The following HPSE2 variants were observed in gnomAD, a reference collection of about 807,000 sequenced individuals.
The protein encoded by HPSE2 is inactive heparanase-2.
A neutral mutation model predicts 60.5 loss-of-function variants in HPSE2; 38 were observed. The ratio of observed to expected loss-of-function variants is 0.63; its 90% CI spans 0.48 to 0.82. HPSE2 has a LOEUF of 0.82. Ranked by LOEUF, HPSE2 falls within the 40% of genes least tolerant of loss-of-function variation. The probability of loss-of-function intolerance (pLI) is 0.00; values close to 1 mark genes in which losing one functional copy is unlikely to be tolerated. For synonymous variants in HPSE2, 295 were observed against 293.2 expected (o/e 1.01, Z -0.06); for missense variants, 713 against 740.4 (o/e 0.96, Z 0.43).
chr10:98,573,954 TCA>T (rs777241951), intron 9 of HPSE2, among the ~76,000 whole-genome samples: 5 of 152,172 alleles, frequency 3.3e-5, no homozygotes, highest in Non-Finnish European at 7.3e-5. Flanking sequence ...TTTAGTATAT[TCA>T]CAGAGTTGTG....
chr10:98,663,257 T>C (rs1947272433), intron 6 of HPSE2, among the ~76,000 whole-genome samples: 1 of 152,112 alleles, frequency 6.6e-6, no homozygotes, highest in Non-Finnish European at 1.5e-5. Flanking sequence ...GATAGAGCAG[T>C]GAATAAGAGA....
chr10:99,011,714 C>T (rs553003798), intron 3 of HPSE2, among the ~76,000 whole-genome samples: 78 of 137,550 alleles, frequency 5.7e-4, no homozygotes, highest in African/African-American at 1.7e-3. Flanking sequence ...TGACATCATG[C>T]CACTGCACTC....
At chr10:98,822,915 G>A (rs1565189322) in intron 3 of HPSE2, among the ~76,000 whole-genome samples, 1 of 152,186 alleles carries the variant, frequency 6.6e-6, no homozygotes, top group East Asian at 1.9e-4. Flanking sequence ...TTGAAGATGT[G>A]ATCAAATGGA....
At chr10:98,488,642 G>A (rs1265736192) in intron 10 of HPSE2, among the ~76,000 whole-genome samples, 1 of 152,178 alleles carries the variant, frequency 6.6e-6, no homozygotes, top group Non-Finnish European at 1.5e-5. Flanking sequence ...GGGATATAAG[G>A]TGCCAAGAGT....
chr10:98,783,162 T>C (rs2134461180), intron 3 of HPSE2, among the ~76,000 whole-genome samples: 2 of 71,654 alleles, frequency 2.8e-5, no homozygotes, highest in Non-Finnish European at 5.3e-5. Flanking sequence ...CATTGTTCAA[T>C]TCCCACCTAT....
chr10:98,576,357 A>G (rs1184022515), intron 9 of HPSE2, among the ~76,000 whole-genome samples: 1 of 152,192 alleles, frequency 6.6e-6, no homozygotes, highest in African/African-American at 2.4e-5. Context: ...AAGACCACAG[A>G]GAAATAAAAA....
intron 3 of HPSE2, among the ~76,000 whole-genome samples, chr10:98,839,974 T>C (rs1378783469): frequency 6.6e-6 from 1 of 152,242 alleles, no homozygotes; most frequent in Non-Finnish European, 1.5e-5. Context: ...TAAATATACA[T>C]TCTTATTTAA....
At chr10:98,597,908 T>C (rs1945287642) in intron 9 of HPSE2, among the ~76,000 whole-genome samples, 1 of 142,098 alleles carries the variant, frequency 7.0e-6, no homozygotes, top group Non-Finnish European at 1.5e-5. Context: ...GAGGTGGAGG[T>C]TGCAGTGAGC....
chr10:99,228,756 C>G (rs530288030), intron 2 of HPSE2, among the ~76,000 whole-genome samples: 1 of 152,284 alleles, frequency 6.6e-6, no homozygotes, highest in African/African-American at 2.4e-5. Flanking sequence ...GATACATAAA[C>G]AGTGGTTTTA....
intron 9 of HPSE2, among the ~76,000 whole-genome samples, chr10:98,577,586 T>C (rs1163354845): frequency 6.6e-6 from 1 of 152,228 alleles, no homozygotes; most frequent in Non-Finnish European, 1.5e-5. Flanking sequence ...TGAGGTGCTA[T>C]TAAAACTTTG....
At chr10:99,263,424 T>C in the HPSE2 span, among the ~76,000 whole-genome samples, 1 of 152,220 alleles carries the variant, frequency 6.6e-6, no homozygotes, top group Non-Finnish European at 1.5e-5. Flanking sequence ...TTATATGGGC[T>C]GAAAGAGGTT....
At chr10:98,492,560 A>C (rs2133686117) in intron 9 of HPSE2, among the ~76,000 whole-genome samples, 1 of 151,984 alleles carries the variant, frequency 6.6e-6, no homozygotes, top group East Asian at 1.9e-4. Context: ...TATTACGTTT[A>C]ATTCTCAATA....
intron 9 of HPSE2, among the ~76,000 whole-genome samples, chr10:98,544,685 C>T (rs1432263596): frequency 7.1e-5 from 9 of 127,352 alleles, no homozygotes; most frequent in African/African-American, 2.1e-4. Flanking sequence ...TGCACTCCAG[C>T]CTGGGCGACA....
intron 3 of HPSE2, among the ~76,000 whole-genome samples, chr10:98,966,359 C>T (rs1215737429): frequency 6.6e-6 from 1 of 152,060 alleles, no homozygotes; most frequent in Non-Finnish European, 1.5e-5. Flanking sequence ...AAAAAGAGAT[C>T]AGGTAGAGAG....
intron 9 of HPSE2, among the ~76,000 whole-genome samples, chr10:98,526,008 C>G (rs774586768): frequency 6.6e-6 from 1 of 152,200 alleles, no homozygotes; most frequent in East Asian, 1.9e-4. Context: ...TATTTCCCAA[C>G]GTTACATATA....
intron 3 of HPSE2, among the ~76,000 whole-genome samples, chr10:98,838,342 A>T (rs1015461933): frequency 6.6e-6 from 1 of 152,216 alleles, no homozygotes; most frequent in East Asian, 1.9e-4. Flanking sequence ...TATATTAAAT[A>T]TAATAATAAT....
intron 3 of HPSE2, among the ~76,000 whole-genome samples, chr10:99,041,796 G>A (rs2135476711): frequency 6.6e-6 from 1 of 152,204 alleles, no homozygotes; most frequent in South Asian, 2.1e-4. Context: ...CTGGGATGGA[G>A]CTCACAGAGA....
At chr10:98,944,206 T>C (rs1306321395) in intron 3 of HPSE2, among the ~76,000 whole-genome samples, 2 of 151,978 alleles carry the variant, frequency 1.3e-5, no homozygotes, top group African/African-American at 4.8e-5. Context: ...AGTCCATAAG[T>C]GCCCAGATGG....
intron 9 of HPSE2, among the ~76,000 whole-genome samples, chr10:98,535,322 T>C (rs1943250241): frequency 6.6e-6 from 1 of 151,970 alleles, no homozygotes; most frequent in Non-Finnish European, 1.5e-5. Flanking sequence ...ATATTTTTGT[T>C]TGTTTTTTTT....
Sources: gnomAD v4.1 joint callset for allele counts (sites outside exome capture counted in the v4.1 genomes callset) on GRCh38, gnomAD v4.1.1 for gene constraint, MANE v1.5 for transcripts, NCBI Gene and HGNC (gene_info 2026-07-23, HGNC 2026-07-21) for gene names.